The following MALRD1 variants were observed in gnomAD, a reference collection of about 807,000 sequenced individuals.
The protein encoded by MALRD1 is MAM and LDL receptor class A domain containing 1, also known as MAM and LDL-receptor class A domain-containing protein 1.
Under a neutral mutation model 242.1 loss-of-function variants are expected in MALRD1, and 247 were observed. That is an observed-to-expected ratio of 1.02 (90% confidence interval 0.92 to 1.13). The LOEUF (loss-of-function observed/expected upper bound fraction) is 1.13. Ranked by LOEUF, MALRD1 falls within the 50% of genes most tolerant of loss-of-function variation. MALRD1 has a pLI of 0.00. For synonymous variants in MALRD1, 995 were observed against 866.6 expected (o/e 1.15, Z -2.60); for missense variants, 2,989 against 2,533.1 (o/e 1.18, Z -3.86).
At position 19,644,218 on chromosome 10, in the gene MALRD1, T is replaced by C. The variant is rs539323955; in HGVS notation, c.6137+28295T>C. On this transcript the variant is annotated intron_variant, in intron 36 of 39. Coordinates refer to ENST00000454679, the MANE Select transcript of MALRD1 (RefSeq NM_001142308.3). Reference sequence around the variant, plus strand: ...ACTCCTCATCTTCAAACTCTTGATGTTAAGAAGGGAGAAGATTCAAAGGCA... The same window carrying C: ...ACTCCTCATCTTCAAACTCTTGATGCTAAGAAGGGAGAAGATTCAAAGGCA... 3.3e-5 allele frequency among the ~76,000 whole-genome samples: 5 copies of C among 152,290 alleles called. No homozygotes were observed. In the East Asian group the frequency reaches 9.7e-4, roughly 29 times the overall value.
In MALRD1 at chr10:19,585,292, C is replaced by T. The variant is rs577115355; in HGVS notation, c.5681-9902C>T. ...TATGATGTTAGCTGGTTATTTTGTT[C>T]GTTAGTTGATGTAGTTTCTTTCTAG... On this transcript the variant is annotated intron_variant, in intron 33 of 39. Transcript: ENST00000454679. Among the ~76,000 whole-genome samples, 13 of 150,648 alleles carry T rather than the reference C, an allele frequency of 8.6e-5. No individual in the cohort carries two copies. The South Asian group carries it at 2.6e-3, about 30-fold the overall frequency.
intron 21 of MALRD1, among the ~76,000 whole-genome samples, chr10:19,308,738 A>G: frequency 6.6e-6 from 1 of 151,674 alleles, no homozygotes; most frequent in Middle Eastern, 3.4e-3. Flanking sequence ...TTGTGAGCCC[A>G]TTAGAGAAAA....
chr10:19,171,404 G>A (rs1225165533), intron 13 of MALRD1, among the ~76,000 whole-genome samples: 7 of 138,918 alleles, frequency 5.0e-5, no homozygotes, highest in Non-Finnish European at 3.0e-5. Flanking sequence ...AAGGGAATTG[G>A]TCACAACATT....
chr10:19,585,496 G>A (rs1837344744), intron 33 of MALRD1, among the ~76,000 whole-genome samples: 1 of 151,898 alleles, frequency 6.6e-6, no homozygotes, highest in Non-Finnish European at 1.5e-5. Flanking sequence ...GCTTAGTTTG[G>A]CTGGATATGA....
At chr10:19,730,582 C>A in intron 38 of MALRD1, 124 bp from the exon 39 acceptor site, 2 of 997,874 alleles carry the variant, frequency 2.0e-6, no homozygotes, top group Admixed American at 2.0e-5. Context: ...GTAATACATT[C>A]ATGAAAATAA....
rs759213931 is a variant in MALRD1, at chr10:19,504,664, A to ATT, written c.5320+6046_5320+6047dup. 3.5e-3 allele frequency among the ~76,000 whole-genome samples: 338 copies of ATT among 97,590 alleles called. 30 individuals carry two copies. The highest frequency in any genetic ancestry group is 5.7e-3 in the African/African-American group (125 of 21,824). 64.0% of individuals were successfully genotyped at this position (97,590 alleles called of 152,430 possible). ...ACATATAATGACTATATTGTAACAC[A>ATT]TTTTTTTTTTTTTTTTTTTTTTTTT... On this transcript the variant is annotated intron_variant, in intron 31 of 39. Coordinates refer to ENST00000454679, the MANE Select transcript of MALRD1 (RefSeq NM_001142308.3).
rs137934208 is a variant in MALRD1 at position 19,164,148 on chromosome 10, T to C, written c.1657-1489T>C. ...TCACCTGTCAAGGTGTGAATTAAGG[T>C]AAGCACAGTAATAAAATCTGAAATG... On this transcript the variant is annotated intron_variant, in intron 12 of 39. Coordinates refer to ENST00000454679, the MANE Select transcript of MALRD1 (RefSeq NM_001142308.3). 2.8e-3 allele frequency among the ~76,000 whole-genome samples: 432 copies of C among 152,324 alleles called. 2 individuals carry two copies. The highest frequency in any genetic ancestry group is 9.9e-3 in the African/African-American group (413 of 41,572).
chr10:19,346,761 C>T (rs1190041779), intron 24 of MALRD1, among the ~76,000 whole-genome samples: 1 of 152,132 alleles, frequency 6.6e-6, no homozygotes, highest in Non-Finnish European at 1.5e-5. Context: ...AGCAATTCTT[C>T]TGCCTCAGCC....
intron 38 of MALRD1, 51 bp downstream of exon 38, chr10:19,692,605 T>G: frequency 1.4e-6 from 2 of 1,385,312 alleles, no homozygotes; most frequent in Non-Finnish European, 9.8e-7. Context: ...CAGAAAAATT[T>G]TCTTCAACAT....
intron 32 of MALRD1, among the ~76,000 whole-genome samples, chr10:19,552,510 T>C (rs1285514289): frequency 6.6e-6 from 1 of 152,084 alleles, no homozygotes; most frequent in African/African-American, 2.4e-5. Flanking sequence ...TATTAATTTT[T>C]TTCAGAGTGC....
At chr10:19,073,333 A>T (rs1182878527) in intron 2 of MALRD1, among the ~76,000 whole-genome samples, 1 of 152,142 alleles carries the variant, frequency 6.6e-6, no homozygotes, top group Non-Finnish European at 1.5e-5. Flanking sequence ...TATTATTGTT[A>T]ATTTTAATGC....
intron 5 of MALRD1, among the ~76,000 whole-genome samples, chr10:19,104,881 GT>G (rs1381192385): frequency 6.6e-6 from 1 of 151,950 alleles, no homozygotes; most frequent in Non-Finnish European, 1.5e-5. Flanking sequence ...TTTTTGAAAA[GT>G]TTTATTTTAT....
chr10:19,666,929 A>G (rs538624825), intron 36 of MALRD1, among the ~76,000 whole-genome samples: 5 of 152,314 alleles, frequency 3.3e-5, no homozygotes, highest in Non-Finnish European at 7.4e-5. Context: ...TACCTGCAGA[A>G]GAAGCTATCA....
rs989692954 is a variant in MALRD1, at chr10:19,673,260, G to A, written c.6138-19022G>A. Reference sequence around the variant, plus strand: ...AAATTAACCGGGCATGGTGGCGGGCGCCTGTAGTCCCAGCTTCTCAGGAGG... The same window carrying A: ...AAATTAACCGGGCATGGTGGCGGGCACCTGTAGTCCCAGCTTCTCAGGAGG... On this transcript the variant is annotated intron_variant, in intron 36 of 39. Coordinates refer to ENST00000454679, the MANE Select transcript of MALRD1 (RefSeq NM_001142308.3). 2.6e-5 allele frequency among the ~76,000 whole-genome samples: 4 copies of A among 152,170 alleles called. 1 individual carries two copies. Among genetic ancestry groups the A allele is most frequent in the Admixed American group, 6.5e-5 (1 of 15,286 alleles).
At chr10:19,143,274 C>T (rs775916114) in intron 10 of MALRD1, among the ~76,000 whole-genome samples, 5 of 152,252 alleles carry the variant, frequency 3.3e-5, no homozygotes, top group South Asian at 2.1e-4. Context: ...TATGTCTTTG[C>T]GGTTGAGCGA....
At chr10:19,135,443 T>C (rs2358337) in intron 9 of MALRD1, among the ~76,000 whole-genome samples, 137,846 of 152,226 alleles carry the variant, frequency 0.91, 62,646 homozygotes, top group East Asian at 1. Flanking sequence ...TGTGGGTCAC[T>C]GCACCTGACC....
intron 1 of MALRD1, among the ~76,000 whole-genome samples, chr10:19,055,116 C>G (rs1364426979): frequency 6.6e-6 from 1 of 152,078 alleles, no homozygotes; most frequent in South Asian, 2.1e-4. Flanking sequence ...GATTATATCT[C>G]ATTGTGGTTG....
intron 36 of MALRD1, among the ~76,000 whole-genome samples, chr10:19,653,559 A>G (rs940816527): frequency 2.0e-5 from 3 of 151,970 alleles, no homozygotes; most frequent in Admixed American, 6.6e-5. Flanking sequence ...AAGGAGCTTA[A>G]AGTTTCTATG....
chr10:19,155,896 A>G (rs935925173), intron 12 of MALRD1, among the ~76,000 whole-genome samples: 1 of 152,246 alleles, frequency 6.6e-6, no homozygotes, highest in African/African-American at 2.4e-5. Flanking sequence ...ACATTGGTAT[A>G]TATGTACCAA....
Sources: gnomAD v4.1 joint callset for allele counts (sites outside exome capture counted in the v4.1 genomes callset) on GRCh38, gnomAD v4.1.1 for gene constraint, MANE v1.5 for transcripts, NCBI Gene and HGNC (gene_info 2026-07-23, HGNC 2026-07-21) for gene names.